Variants in KANK2 observed in about 807,000 individuals in gnomAD.
The protein encoded by KANK2 is KN motif and ankyrin repeat domain-containing protein 2.
Under a neutral mutation model 74.6 loss-of-function variants are expected in KANK2, and 41 were observed. The observed-to-expected ratio is 0.55, with a 90% CI of 0.43 to 0.71. The LOEUF is 0.71. Among genes scored for constraint, KANK2 ranks in the 30% least tolerant of loss-of-function variants. The pLI, the probability that KANK2 is intolerant of heterozygous loss-of-function variation, is 0.00. For missense variants in KANK2, 1,148 were observed against 1,196.4 expected (o/e 0.96, Z 0.60); for synonymous variants, 537 against 519.0 (o/e 1.03, Z -0.47).
Position 11,176,662 on chromosome 19 carries a change from C to T in KANK2, c.1676G>A (p.Arg559Gln), listed in dbSNP as rs138583048. ...PAGTAAAKTS[R>Q]QECQLSRESQ... ...TTCTCGAGACAGCTGACACTCCTGC[C>T]GGCTGGTCTTGGCCGCTGCCGTCCC... The change falls in exon 7 of 13, where the codon CGG becomes CAG. Residue 559 changes from arginine (R) to glutamine (Q), a missense_variant. Physicochemically the swap from Arg to Gln is conservative, Grantham distance 43. Coordinates refer to ENST00000586659, the MANE Select transcript of KANK2 (RefSeq NM_001136191.3). 53 of 1,613,672 alleles carry T rather than the reference C, an allele frequency of 3.3e-5. No homozygotes were observed. Among genetic ancestry groups the T allele is most frequent in the Middle Eastern group, 1.7e-4 (1 of 6,060 alleles).
At chr19:11,174,239 A>T (rs572863930) in intron 9 of KANK2, among the ~76,000 whole-genome samples, 12 of 152,222 alleles carry the variant, frequency 7.9e-5, no homozygotes, top group Non-Finnish European at 1.5e-4. Context: ...TTGAACTGGG[A>T]AGGTGCCGTC....
intron 10 of KANK2, among the ~76,000 whole-genome samples, chr19:11,172,695 G>A (rs1486317494): frequency 6.6e-6 from 1 of 152,204 alleles, no homozygotes; most frequent in African/African-American, 2.4e-5. Flanking sequence ...AGGAGACCAT[G>A]CCTGCTTGTT....
At position 11,194,036 on chromosome 19, in the gene KANK2, G is replaced by A. The variant is rs1397496173; in HGVS notation, c.44C>T (p.Pro15Leu). ...LHVPAPFPGT[P>L]GPASPPAFPA... Reference sequence around the variant, plus strand: ...GAAGGCAGGTGGGGAGGCTGGGCCAGGGGTCCCTGGGGATGGGAGAAACAC... The same window carrying A: ...GAAGGCAGGTGGGGAGGCTGGGCCAAGGGTCCCTGGGGATGGGAGAAACAC... The change falls in exon 4 of 13, where the codon CCT becomes CTT. Residue 15 changes from proline to leucine, a missense_variant. By Grantham distance (98) the Pro-to-Leu change is moderately conservative. Coordinates refer to ENST00000586659, the MANE Select transcript of KANK2 (RefSeq NM_001136191.3). 1 of 1,602,164 alleles carries A rather than the reference G, an allele frequency of 6.2e-7. No individual in the cohort carries two copies. Among genetic ancestry groups the A allele is most frequent in the Non-Finnish European group, 8.5e-7 (1 of 1,173,424 alleles).
rs1392164889 is a variant in KANK2 at position 11,164,995 on chromosome 19, G to A, written c.*1563C>T. The A allele has an allele frequency of 6.6e-6, 1 of 152,120 alleles. No individual in the cohort carries two copies. The highest frequency in any genetic ancestry group is 1.5e-5 in the Non-Finnish European group (1 of 68,048). The allele number at this position is 152,120 out of a possible 1,614,324, so 9.4% of individuals were successfully genotyped here. On this transcript the variant is annotated 3_prime_UTR_variant, in exon 13 of 13. Transcript: ENST00000586659. ...CCTCGAAAGGGCAGCGCGCGTATTTGGTTTGGAGCGCACTCCTGATCACAA... is the reference window on the plus strand; with the variant it reads ...CCTCGAAAGGGCAGCGCGCGTATTTAGTTTGGAGCGCACTCCTGATCACAA...
rs942639175 is a variant in KANK2 at position 11,189,104 on chromosome 19, C to CA, written c.1249+3726_1249+3727insT. Among the ~76,000 whole-genome samples, 163 of 134,748 alleles carry CA rather than the reference C, an allele frequency of 1.2e-3. 3 individuals are homozygous for CA. The highest frequency in any genetic ancestry group is 2.0e-3 in the Non-Finnish European group (123 of 62,234). The allele number at this position is 134,748 out of a possible 152,430, so 88.4% of individuals were successfully genotyped here. ...TTGACATGAATTGATTCTCTCCCCC[C>CA]CCACCCCCGCCCACAAGATTGGTCT... On this transcript the variant is annotated intron_variant, in intron 4 of 12. Transcript: ENST00000586659.
intron 7 of KANK2, among the ~76,000 whole-genome samples, chr19:11,176,220 C>T (rs1185429572): frequency 6.6e-6 from 1 of 152,178 alleles, no homozygotes; most frequent in East Asian, 1.9e-4. Flanking sequence ...TCCAAATGCC[C>T]ACTGGCAGAT....
intron 10 of KANK2, among the ~76,000 whole-genome samples, chr19:11,172,104 T>C (rs2078193168): frequency 6.6e-6 from 1 of 151,346 alleles, no homozygotes; most frequent in Non-Finnish European, 1.5e-5. Context: ...GCCTCCCGAG[T>C]GGCTGGGATT....
In KANK2 at chr19:11,176,822, G is replaced by A; in HGVS notation, c.1521-5C>T. The A allele has an allele frequency of 2.0e-6, 3 of 1,505,116 alleles. No individual in the cohort carries two copies. The highest frequency in any genetic ancestry group is 2.7e-5 in the South Asian group (2 of 73,958). 93.2% of individuals were successfully genotyped at this position (1,505,116 alleles called of 1,614,324 possible). On this transcript the variant is annotated splice_region_variant and splice_polypyrimidine_tract_variant and intron_variant, in intron 6 of 12. Coordinates refer to ENST00000586659, the MANE Select transcript of KANK2 (RefSeq NM_001136191.3). ...TCCTCGGATGACGACTCATACCTGG[G>A]GAGGAACGAGCGGGGAGGGGGAGAT...
rs764930410 is a variant in KANK2, at chr19:11,178,571, C to T, written c.1399G>A (p.Glu467Lys). The change falls in exon 5 of 13, where the codon GAG becomes AAG. Residue 467 changes from glutamate to lysine, a missense_variant. Coordinates refer to ENST00000586659, the MANE Select transcript of KANK2 (RefSeq NM_001136191.3). ...PTRQAASQESEEAGGTGGPPA... is the reference protein window; with the variant it reads ...PTRQAASQESKEAGGTGGPPA... ...CACTTACCGGTGCCCCCGGCCTCCT[C>T]GGACTCTTGGGAGGCTGCTTGCCTG... 2.4e-5 allele frequency: 38 copies of T among 1,604,230 alleles called. No individual in the cohort carries two copies. In the African/African-American group the frequency reaches 3.9e-4, roughly 16 times the overall value.
intron 3 of KANK2, 50 bp downstream of exon 3, chr19:11,194,425 C>A (rs1456951082): frequency 1.3e-6 from 2 of 1,521,118 alleles, no homozygotes; most frequent in South Asian, 1.1e-5. Context: ...CCTCAGGCCT[C>A]CAGAACTGAA....
At position 11,164,411 on chromosome 19, in the gene KANK2, G is replaced by T. The variant is rs2077973612; in HGVS notation, c.*2147C>A. Reference sequence around the variant, plus strand: ...GAAATTAAAGCTCATGGATATGCGTGAGAAGAGAATGGGCGCAGAGGCACG... The same window carrying T: ...GAAATTAAAGCTCATGGATATGCGTTAGAAGAGAATGGGCGCAGAGGCACG... On this transcript the variant is annotated 3_prime_UTR_variant, in exon 13 of 13. Coordinates refer to ENST00000586659, the MANE Select transcript of KANK2 (RefSeq NM_001136191.3). 1 of 152,142 alleles carries T rather than the reference G, an allele frequency of 6.6e-6. No individual in the cohort carries two copies. The highest frequency in any genetic ancestry group is 1.5e-5 in the Non-Finnish European group (1 of 68,030). The allele number at this position is 152,142 out of a possible 1,614,324, so 9.4% of individuals were successfully genotyped here.
intron 12 of KANK2, 139 bp downstream of exon 12, chr19:11,169,738 T>G (rs1600805103): frequency 4.5e-6 from 3 of 672,590 alleles, no homozygotes; most frequent in East Asian, 2.8e-5. Flanking sequence ...GAGGCGGAGG[T>G]TGCAATGAGC....
rs1259677023 is a variant in KANK2 at position 11,193,446 on chromosome 19, G to A, written c.634C>T (p.Leu212Phe). Residue 212 changes from leucine to phenylalanine, a missense_variant, in exon 4 of 13, where the codon CTC becomes TTC. Leu to Phe is a conservative substitution (Grantham distance 22). Transcript: ENST00000586659. The surrounding 1 kb of genome is among the most constrained non-coding windows in gnomAD (Gnocchi z 9.6). Reference sequence around the variant, plus strand: ...TGGAGCACCGAGAGCTTCACCTGGAGCACAGGGATCAGCTTCACCTGCTCC... The same window carrying A: ...TGGAGCACCGAGAGCTTCACCTGGAACACAGGGATCAGCTTCACCTGCTCC... ...LEEQVKLIPV[L>F]QVKLSVLQEE... 9 of 1,612,302 alleles carry A rather than the reference G, an allele frequency of 5.6e-6. 1 individual carries two copies. In the South Asian group the frequency reaches 9.9e-5, roughly 18 times the overall value.
intron 2 of KANK2, chr19:11,194,809 C>T (rs2078969964): frequency 2.9e-6 from 1 of 347,650 alleles, no homozygotes; most frequent in Non-Finnish European, 5.7e-6. Flanking sequence ...CCTGCTTGCA[C>T]ATCTGTCCAG....
intron 4 of KANK2, among the ~76,000 whole-genome samples, chr19:11,186,052 G>A (rs1021472773): frequency 1.5e-4 from 23 of 151,428 alleles, no homozygotes; most frequent in African/African-American, 5.6e-4. Context: ...AAAACAATGA[G>A]GAGATACCAT....
chr19:11,190,204 G>A (rs1029860909), intron 4 of KANK2, among the ~76,000 whole-genome samples: 2 of 151,640 alleles, frequency 1.3e-5, no homozygotes, highest in African/African-American at 2.4e-5. Flanking sequence ...GTGCGACCTC[G>A]GCCCAATGCA....
chr19:11,188,094 T>C (rs1444571086), intron 4 of KANK2, among the ~76,000 whole-genome samples: 1 of 152,082 alleles, frequency 6.6e-6, no homozygotes, highest in Non-Finnish European at 1.5e-5. Context: ...AGGCTGAAGG[T>C]GAAAAAATAA....
rs764434684 is a variant in KANK2, at chr19:11,174,482, G to C, written c.2059C>G (p.Leu687Val). 1.2e-6 allele frequency: 2 copies of C among 1,609,352 alleles called. No individual in the cohort carries two copies. The highest frequency in any genetic ancestry group is 1.7e-6 in the Non-Finnish European group (2 of 1,178,046). The change falls in exon 9 of 13, where the codon CTC (leucine) becomes GTC (valine). Residue 687 changes from leucine (L) to valine (V), a missense_variant. Physicochemically the swap from Leu to Val is conservative, Grantham distance 32. Coordinates refer to ENST00000586659, the MANE Select transcript of KANK2 (RefSeq NM_001136191.3). ...HANFPVVQQL[L>V]DSGVCKVDKQ... ...TCCCCGCTGGGCTCACCGCTGTCGA[G>C]CAGCTGCTGCACCACGGGGAAGTTG...
In KANK2 at chr19:11,165,206, G is replaced by A. The variant is rs528000214; in HGVS notation, c.*1352C>T. ...GGCAGCTCCGGAAAGTCTCTAGGTT[G>A]TTAAAAAGCCCAGCTGGCCCATGTT... On this transcript the variant is annotated 3_prime_UTR_variant, in exon 13 of 13. Transcript: ENST00000586659. 1 of 152,200 alleles carries A rather than the reference G, an allele frequency of 6.6e-6. No individual in the cohort carries two copies. Among genetic ancestry groups the A allele is most frequent in the East Asian group, 1.9e-4 (1 of 5,200 alleles). 9.4% of individuals were successfully genotyped at this position (152,200 alleles called of 1,614,324 possible).
Sources: gnomAD v4.1 joint callset for allele counts (sites outside exome capture counted in the v4.1 genomes callset) on GRCh38, gnomAD v4.1.1 for gene constraint, Gnocchi (gnomAD v3.1) non-coding constraint, MANE v1.5 for transcripts, NCBI Gene and HGNC (gene_info 2026-07-23, HGNC 2026-07-21) for gene names.